Variants in TBC1D5 observed in about 807,000 individuals in gnomAD.
TBC1D5 encodes TBC1 domain family, member 5.
A neutral mutation model predicts 100.3 loss-of-function variants in TBC1D5; 75 were observed. The ratio of observed to expected loss-of-function variants is 0.75; its 90% CI spans 0.62 to 0.91. The LOEUF (loss-of-function observed/expected upper bound fraction) is 0.91. Ranked by LOEUF, TBC1D5 falls within the 40% of genes least tolerant of loss-of-function variation. TBC1D5 has a pLI of 0.00. For synonymous variants in TBC1D5, 323 were observed against 325.6 expected, an observed-to-expected ratio of 0.99 and a Z score of 0.09; for missense variants, 910 against 942.4, an observed-to-expected ratio of 0.97 and a Z score of 0.45.
At chr3:17,594,227 CAGTGT>C (rs2060419477) in intron 2 of TBC1D5, among the ~76,000 whole-genome samples, 1 of 152,160 alleles carries the variant, frequency 6.6e-6, no homozygotes, top group Non-Finnish European at 1.5e-5. Flanking sequence ...AAGATGAAAT[CAGTGT>C]ACTACTCCAC....
At chr3:17,627,698 G>A (rs1445484328) in intron 1 of TBC1D5, among the ~76,000 whole-genome samples, 1 of 151,270 alleles carries the variant, frequency 6.6e-6, no homozygotes, top group Non-Finnish European at 1.5e-5. Context: ...GAGGGGCTAT[G>A]TTAGGATATA....
chr3:17,715,427 T>C (rs1312692101), intron 1 of TBC1D5, among the ~76,000 whole-genome samples: 1 of 152,212 alleles, frequency 6.6e-6, no homozygotes, highest in Non-Finnish European at 1.5e-5. Context: ...GCATATGCAA[T>C]TTGGGAACAA....
chr3:17,226,728 C>T (rs1244834868), intron 17 of TBC1D5, among the ~76,000 whole-genome samples: 1 of 152,158 alleles, frequency 6.6e-6, no homozygotes, highest in African/African-American at 2.4e-5. Flanking sequence ...TTCTTTCACT[C>T]CCCAGGTACT....
intron 4 of TBC1D5, among the ~76,000 whole-genome samples, chr3:17,412,953 T>C (rs2093974591): frequency 6.6e-6 from 1 of 152,128 alleles, no homozygotes; most frequent in Non-Finnish European, 1.5e-5. Context: ...AGTTTTTGAA[T>C]ATCAAGCCCA....
chr3:17,538,144 C>A (rs1024646519), intron 2 of TBC1D5, among the ~76,000 whole-genome samples: 1 of 152,046 alleles, frequency 6.6e-6, no homozygotes, highest in African/African-American at 2.4e-5. Flanking sequence ...ACGCACACCC[C>A]CACCCCCTGT....
chr3:17,475,052 G>A (rs2095421678), intron 3 of TBC1D5, among the ~76,000 whole-genome samples: 1 of 152,036 alleles, frequency 6.6e-6, no homozygotes, highest in Non-Finnish European at 1.5e-5. Context: ...GCTAGTTTAT[G>A]TCCTTTGGTC....
chr3:17,306,639 A>G (rs2083429160), intron 14 of TBC1D5, among the ~76,000 whole-genome samples: 1 of 152,190 alleles, frequency 6.6e-6, no homozygotes, highest in Admixed American at 6.5e-5. Flanking sequence ...GTAATGTGCC[A>G]AAGTCAAAAA....
intron 3 of TBC1D5, among the ~76,000 whole-genome samples, chr3:17,471,180 GT>G (rs1263824077): frequency 1.3e-5 from 2 of 152,140 alleles, no homozygotes; most frequent in Non-Finnish European, 2.9e-5. Context: ...AGAAATTTAA[GT>G]ATCAGGAGAC....
chr3:17,203,000 T>C lies in TBC1D5; in HGVS notation c.1752+11207A>G, dbSNP rs193188946. On this transcript the variant is annotated intron_variant, in intron 18 of 21. Transcript: ENST00000253692. ...AGTTGTGACAAGAGGGCCACTGTCC[T>C]CCAGACCCCAGAATGGTAGATCTAT... Among the ~76,000 whole-genome samples the C allele has an allele frequency of 4.6e-5, 7 of 152,280 alleles. No homozygotes were observed. In the East Asian group the frequency reaches 1.4e-3, roughly 29 times the overall value.
At chr3:17,242,329 T>C (rs146281684) in intron 16 of TBC1D5, among the ~76,000 whole-genome samples, 1 of 152,292 alleles carries the variant, frequency 6.6e-6, no homozygotes, top group Admixed American at 6.5e-5. Context: ...TCTTCCTCTA[T>C]GTTTATTTTT....
chr3:17,604,008 T>C (rs916700671), intron 2 of TBC1D5, among the ~76,000 whole-genome samples: 11 of 152,234 alleles, frequency 7.2e-5, no homozygotes, highest in African/African-American at 2.4e-4. Context: ...CTTGAATTCC[T>C]TCCTTCATGA....
At chr3:17,677,710 G>A (rs372701448) in intron 1 of TBC1D5, among the ~76,000 whole-genome samples, 11 of 152,160 alleles carry the variant, frequency 7.2e-5, no homozygotes, top group South Asian at 4.2e-4. Flanking sequence ...TGTTTATTGC[G>A]GCACTATTCA....
chr3:17,437,622 T>G (rs867301506), intron 3 of TBC1D5, among the ~76,000 whole-genome samples: 30 of 115,438 alleles, frequency 2.6e-4, no homozygotes, highest in Middle Eastern at 4.1e-3. Flanking sequence ...GAGACAGAGG[T>G]AGAGAGAGAG....
chr3:17,191,012 C>T (rs554376763), intron 18 of TBC1D5, among the ~76,000 whole-genome samples: 30 of 152,202 alleles, frequency 2.0e-4, no homozygotes, highest in Admixed American at 1.8e-3. Context: ...AACACATACA[C>T]GGTGTGAATG....
chr3:17,622,334 ACC>A (rs2062734526), intron 2 of TBC1D5, among the ~76,000 whole-genome samples: 1 of 151,986 alleles, frequency 6.6e-6, no homozygotes, highest in Non-Finnish European at 1.5e-5. Flanking sequence ...GGGATTGGGG[ACC>A]CCTGTTCTAA....
intron 18 of TBC1D5, among the ~76,000 whole-genome samples, chr3:17,196,647 T>C (rs961657406): frequency 6.6e-6 from 1 of 152,226 alleles, no homozygotes; most frequent in African/African-American, 2.4e-5. Context: ...GATGCACACG[T>C]TGGTGTCGTG....
intron 18 of TBC1D5, among the ~76,000 whole-genome samples, chr3:17,208,851 A>C (rs546794910): frequency 6.6e-6 from 1 of 152,346 alleles, no homozygotes; most frequent in Non-Finnish European, 1.5e-5. Context: ...CTGGTTCTTC[A>C]TAGACACGTT....
intron 8 of TBC1D5, among the ~76,000 whole-genome samples, chr3:17,385,517 T>C (rs949586704): frequency 1.3e-5 from 2 of 152,102 alleles, no homozygotes; most frequent in Admixed American, 1.3e-4. Flanking sequence ...CCTTGGACAG[T>C]TATAACTTTC....
chr3:17,740,728 G>A (rs2077359146), exon 1 of TBC1D5: 1 of 152,176 alleles, frequency 6.6e-6, no homozygotes, highest in Admixed American at 6.5e-5. Context: ...CCGCATTTGA[G>A]AGCACACACT....
Sources: allele counts gnomAD v4.1 joint callset (sites outside exome capture counted in the v4.1 genomes callset), GRCh38; gene constraint gnomAD v4.1.1; transcripts MANE v1.5; gene names NCBI Gene and HGNC (gene_info 2026-07-23, HGNC 2026-07-21).